The following SMARCD3 variants were observed in gnomAD, a reference collection of about 807,000 sequenced individuals.
SMARCD3 encodes the protein SWI/SNF-related matrix-associated actin-dependent regulator of chromatin subfamily D member 3.
A neutral mutation model predicts 58.0 loss-of-function variants in SMARCD3; 14 were observed. That is an observed-to-expected ratio of 0.24 (90% CI 0.16 to 0.38). The LOEUF (loss-of-function observed/expected upper bound fraction) is 0.38, where lower values mean the gene tolerates loss of function less well. SMARCD3 is among the 10% of genes least tolerant of loss of function. The pLI is 1.00. For synonymous variants in SMARCD3, 253 were observed against 253.8 expected (o/e 1.00, Z 0.03); for missense variants, 408 against 636.9 (o/e 0.64, Z 3.87).
Position 151,240,528 on chromosome 7 carries a change from G to A in SMARCD3, c.940-6C>T, listed in dbSNP as rs1563645549. 1.2e-6 allele frequency: 2 copies of A among 1,603,690 alleles called. No homozygotes were observed. Among genetic ancestry groups the A allele is most frequent in the Non-Finnish European group, 8.5e-7 (1 of 1,171,580 alleles). On this transcript the variant is annotated splice_polypyrimidine_tract_variant and splice_region_variant and intron_variant, in intron 8 of 12. Coordinates refer to ENST00000262188, the MANE Select transcript of SMARCD3 (RefSeq NM_001003801.2). ...AGCCGGGGACAATCAAAAATCTGAAGCAGGACAATTGGGGAGAGAGAGATC... is the reference window on the plus strand; with the variant it reads ...AGCCGGGGACAATCAAAAATCTGAAACAGGACAATTGGGGAGAGAGAGATC...
chr7:151,248,655 A>G lies in SMARCD3; in HGVS notation c.-93T>C. ...TTTTTTCCTCCAACTCTCCCCTCTG[A>G]GTCCTGCTGGGCTCTCTCACACTTC... is the stretch of plus-strand genomic sequence containing the variant. On this transcript the variant is annotated 5_prime_UTR_variant, in exon 1 of 13. Coordinates refer to ENST00000262188, the MANE Select transcript of SMARCD3 (RefSeq NM_001003801.2). The surrounding 1 kb of genome is among the most constrained non-coding windows in gnomAD (Gnocchi z 6.1). 1.3e-6 allele frequency: 2 copies of G among 1,566,572 alleles called. No homozygotes were observed. Among genetic ancestry groups the G allele is most frequent in the Non-Finnish European group, 1.7e-6 (2 of 1,154,642 alleles).
chr7:151,259,694 C>T (rs1431760870), intron 2 of SMARCD3, among the ~76,000 whole-genome samples: 3 of 141,734 alleles, frequency 2.1e-5, no homozygotes, highest in Admixed American at 7.7e-5. Context: ...ACTGCAACCT[C>T]TGCCTCCTGG....
chr7:151,259,396 T>TGTGTGG (rs1803827255), intron 2 of SMARCD3, among the ~76,000 whole-genome samples: 1 of 140,680 alleles, frequency 7.1e-6, no homozygotes, highest in African/African-American at 2.9e-5. Context: ...GTAGGGGCTG[T>TGTGTGG]GTGTGTGTGT....
Position 151,242,506 on chromosome 7 carries a change from C to T in SMARCD3, c.554G>A (p.Arg185Gln). 1 of 1,614,006 alleles carries T rather than the reference C, an allele frequency of 6.2e-7. No individual in the cohort carries two copies. Among genetic ancestry groups the T allele is most frequent in the Non-Finnish European group, 8.5e-7 (1 of 1,180,012 alleles). ...ATCATCCAGGAGCTTCCCCTCCACC[C>T]GTAGCTCCCAGGAGGCAATGCTGCC... Reference protein sequence around the residue: ...SDGSIASWELRVEGKLLDDPS... With the variant: ...SDGSIASWELQVEGKLLDDPS... The change falls in exon 5 of 13, where the codon CGG becomes CAG. Residue 185 changes from arginine to glutamine, a missense_variant. By Grantham distance (43) the Arg-to-Gln change is conservative (BLOSUM62 1). Around this residue, in one of 4 missense-constraint regions of SMARCD3, gnomAD observed 128 missense variants for 188.8 expected, o/e 0.68. Coordinates refer to ENST00000262188, the MANE Select transcript of SMARCD3 (RefSeq NM_001003801.2). The surrounding 1 kb of genome is among the most constrained non-coding windows in gnomAD (Gnocchi z 4.7).
intron 1 of SMARCD3, among the ~76,000 whole-genome samples, chr7:151,276,227 A>G (rs1248789075): frequency 6.6e-6 from 1 of 151,686 alleles, no homozygotes; most frequent in African/African-American, 2.4e-5. Flanking sequence ...ACGGTGGCCA[A>G]GTGGAGACAG....
chr7:151,276,276 G>T (rs1795338533), intron 1 of SMARCD3, among the ~76,000 whole-genome samples: 1 of 150,324 alleles, frequency 6.7e-6, no homozygotes, highest in East Asian at 2.0e-4. Flanking sequence ...AAGGTGCTAG[G>T]TAGGGGAAGG....
At chr7:151,251,455 C>T (rs1197881978), upstream of SMARCD3, among the ~76,000 whole-genome samples, 4 of 152,186 alleles carry the variant, frequency 2.6e-5, no homozygotes, top group Non-Finnish European at 4.4e-5. Context: ...GACACATTTG[C>T]GTACTGCTTT....
rs1336766020 is a variant in SMARCD3, at chr7:151,243,656, C to A, written c.333+3G>T. Reference sequence around the variant, plus strand: ...GCTGGGGGCTGCTGTGAAAGGCACTCACCCTTTGAGGGAGGATTTTGTCAG... The same window carrying A: ...GCTGGGGGCTGCTGTGAAAGGCACTAACCCTTTGAGGGAGGATTTTGTCAG... On this transcript the variant is annotated splice_donor_region_variant and intron_variant, in intron 3 of 12. Transcript: ENST00000262188. This position sits in a 1 kb window ranked among gnomAD's most constrained non-coding sequence, Gnocchi z 4.4. 1.3e-6 allele frequency: 2 copies of A among 1,599,212 alleles called. No homozygotes were observed. The highest frequency in any genetic ancestry group is 1.7e-5 in the Admixed American group (1 of 60,006).
Position 151,241,575 on chromosome 7 carries a change from C to T in SMARCD3, c.856G>A (p.Ala286Thr), listed in dbSNP as rs1480152859. The change falls in exon 8 of 13, where the codon GCC becomes ACC. Residue 286 changes from alanine to threonine, a missense_variant. Around this residue, in one of 4 missense-constraint regions of SMARCD3, gnomAD observed 115 missense variants for 257.2 expected, o/e 0.45. Coordinates refer to ENST00000262188, the MANE Select transcript of SMARCD3 (RefSeq NM_001003801.2). This position sits in a 1 kb window ranked among gnomAD's most constrained non-coding sequence, Gnocchi z 5.3. ...TTGGTCTTCACATACTGCCACAGGG[C>T]CTGGACAATGGCTGAGCGGCTCTGT... ...HTQSRSAIVQ[A>T]LWQYVKTNRL... The T allele has an allele frequency of 6.2e-7, 1 of 1,611,224 alleles. No homozygotes were observed. Among genetic ancestry groups the T allele is most frequent in the Non-Finnish European group, 8.5e-7 (1 of 1,178,828 alleles).
At chr7:151,249,658 T>C (rs1333580608), upstream of SMARCD3, among the ~76,000 whole-genome samples, 1 of 84,386 alleles carries the variant, frequency 1.2e-5, no homozygotes, top group East Asian at 3.2e-4. The surrounding 1 kb of genome is among the most constrained non-coding windows in gnomAD (Gnocchi z 4.8). Context: ...GGGGTGGGGG[T>C]GGAGTGGGGT....
intron 2 of SMARCD3, among the ~76,000 whole-genome samples, chr7:151,267,359 C>T (rs193244953): frequency 7.2e-5 from 11 of 152,290 alleles, no homozygotes; most frequent in South Asian, 4.1e-4. Context: ...AGCTGGAGAG[C>T]GAGTTAATGT....
At chr7:151,273,200 A>T (rs1306557486) in intron 2 of SMARCD3, among the ~76,000 whole-genome samples, 1 of 152,072 alleles carries the variant, frequency 6.6e-6, no homozygotes, top group African/African-American at 2.4e-5. Context: ...GGGGCTTCTG[A>T]CTCATGGCCA....
chr7:151,253,794 G>A (rs1242203766), intron 2 of SMARCD3, among the ~76,000 whole-genome samples: 1 of 151,514 alleles, frequency 6.6e-6, no homozygotes, highest in African/African-American at 2.4e-5. Flanking sequence ...ATCCTGAGGG[G>A]TGCTATAACT....
intron 2 of SMARCD3, among the ~76,000 whole-genome samples, chr7:151,269,930 C>G (rs79245809): frequency 0.11 from 17,176 of 152,232 alleles, 1,143 homozygotes; most frequent in African/African-American, 0.17. Flanking sequence ...AGCTCACCTT[C>G]TAGCACAGGC....
rs752869915 is a variant in SMARCD3 at position 151,242,472 on chromosome 7, G to A, written c.579+9C>T. The A allele has an allele frequency of 3.1e-5, 50 of 1,612,198 alleles. No individual in the cohort carries two copies. Among genetic ancestry groups the A allele is most frequent in the South Asian group, 2.6e-4 (24 of 91,080 alleles). ...CAGGACACCTGGAGAGACCTGGGCC[G>A]GGACGTACATCATCCAGGAGCTTCC... is the stretch of plus-strand genomic sequence containing the variant. On this transcript the variant is annotated intron_variant, in intron 5 of 12. Coordinates refer to ENST00000262188, the MANE Select transcript of SMARCD3 (RefSeq NM_001003801.2). This position sits in a 1 kb window ranked among gnomAD's most constrained non-coding sequence, Gnocchi z 4.7.
intron 1 of SMARCD3, among the ~76,000 whole-genome samples, chr7:151,247,774 G>A (rs1803341380): frequency 6.6e-6 from 1 of 151,970 alleles, no homozygotes; most frequent in African/African-American, 2.4e-5. Flanking sequence ...GCCTGCCTGT[G>A]GCAGGACAGT....
At chr7:151,253,503 G>A (rs776482624), upstream of SMARCD3, among the ~76,000 whole-genome samples, 1 of 152,128 alleles carries the variant, frequency 6.6e-6, no homozygotes, top group African/African-American at 2.4e-5. Flanking sequence ...CTTTGCCTGC[G>A]TGGGATTCCT....
At chr7:151,272,534 T>G (rs1795208915) in intron 2 of SMARCD3, among the ~76,000 whole-genome samples, 1 of 152,152 alleles carries the variant, frequency 6.6e-6, no homozygotes, top group African/African-American at 2.4e-5. Context: ...AAGGTTCACA[T>G]GGGAGATGGT....
In SMARCD3 at chr7:151,242,586, T is replaced by C. The variant is rs750859453; in HGVS notation, c.474A>G (p.Arg158=). Residue 158 remains arginine, a synonymous_variant, in exon 5 of 13, where the codon CGA becomes CGG. Coordinates refer to ENST00000262188, the MANE Select transcript of SMARCD3 (RefSeq NM_001003801.2). This position sits in a 1 kb window ranked among gnomAD's most constrained non-coding sequence, Gnocchi z 4.7. ...KRPMKQKRKL[R]LYISNTFNPA... ...GGTTAAAAGTGTTGGAGATATAGAG[T>C]CGCAGCTTCCGCTTTTGCTGTAGAA... 5 of 1,612,602 alleles carry C rather than the reference T, an allele frequency of 3.1e-6. No homozygotes were observed. Among genetic ancestry groups the C allele is most frequent in the Non-Finnish European group, 4.2e-6 (5 of 1,179,048 alleles).
Sources: gnomAD v4.1 joint callset for allele counts (sites outside exome capture counted in the v4.1 genomes callset) on GRCh38, gnomAD v4.1.1 for gene constraint, gnomAD v4.1.1 regional missense constraint, Gnocchi (gnomAD v3.1) non-coding constraint, MANE v1.5 for transcripts, NCBI Gene and HGNC (gene_info 2026-07-23, HGNC 2026-07-21) for gene names.